The following ZNF599 variants were observed in gnomAD, a reference collection of about 807,000 sequenced individuals.
ZNF599 encodes the protein zinc finger protein 599.
Under a neutral mutation model 11.7 loss-of-function variants are expected in ZNF599, and 10 were observed. The ratio of observed to expected loss-of-function variants is 0.86; its 90% CI spans 0.53 to 1.45. The LOEUF (loss-of-function observed/expected upper bound fraction) is 1.45. Among genes scored for constraint, ZNF599 ranks in the 40% most tolerant of loss-of-function variants. The probability of loss-of-function intolerance (pLI) is 0.00; values close to 1 mark genes in which losing one functional copy is unlikely to be tolerated. For synonymous variants in ZNF599, 232 were observed against 253.2 expected, an observed-to-expected ratio of 0.92 and a Z score of 0.79; for missense variants, 688 against 713.6, an observed-to-expected ratio of 0.96 and a Z score of 0.41.
Position 34,773,034 on chromosome 19 carries a change from G to T in ZNF599, c.-193C>A, listed in dbSNP as rs561827419. On this transcript the variant is annotated 5_prime_UTR_variant, in exon 1 of 4. Coordinates refer to ENST00000329285, the MANE Select transcript of ZNF599 (RefSeq NM_001007248.3). ...GGCTGTCGCCAAGGCCCCAGGAAGG[G>T]TTTTGCAGACGCTTGTGGGGGTGGG... 958 of 622,140 alleles carry T rather than the reference G, an allele frequency of 1.5e-3. 3 individuals carry two copies. Among genetic ancestry groups the T allele is most frequent in the Middle Eastern group, 0.011 (25 of 2,232 alleles). 38.5% of individuals were successfully genotyped at this position (622,140 alleles called of 1,614,324 possible).
the ZNF599 span, among the ~76,000 whole-genome samples, chr19:34,778,820 G>A: frequency 6.6e-6 from 1 of 152,064 alleles, no homozygotes; most frequent in South Asian, 2.1e-4. Flanking sequence ...TTGTACTCTT[G>A]TTAGTGAAAA....
At chr19:34,774,932 C>T (rs1454439919), upstream of ZNF599, among the ~76,000 whole-genome samples, 2 of 152,044 alleles carry the variant, frequency 1.3e-5, no homozygotes, top group African/African-American at 4.8e-5. Context: ...TGATGCCATC[C>T]CCTTGGTGCT....
the ZNF599 span, among the ~76,000 whole-genome samples, chr19:34,783,770 GTCT>G: frequency 6.6e-6 from 1 of 152,162 alleles, no homozygotes; most frequent in African/African-American, 2.4e-5. Context: ...AAAGGGCTCA[GTCT>G]TCTTCCTTAA....
chr19:34,777,988 G>C (rs10416543), upstream of ZNF599, among the ~76,000 whole-genome samples: 43,094 of 151,950 alleles, frequency 0.28, 6,649 homozygotes, highest in Middle Eastern at 0.36. Context: ...CAGTAAAAGG[G>C]GGGGAGGGGA....
chr19:34,760,707 T>C, intron 3 of ZNF599, 148 bp from the exon 4 acceptor site: 3 of 772,116 alleles, frequency 3.9e-6, no homozygotes, highest in Non-Finnish European at 4.0e-6. Context: ...GCTTGCAATT[T>C]CTTTCCTAAT....
At chr19:34,786,411 A>G in the ZNF599 span, among the ~76,000 whole-genome samples, 1 of 152,130 alleles carries the variant, frequency 6.6e-6, no homozygotes, top group African/African-American at 2.4e-5. Context: ...CTCTCGCAAG[A>G]GTCCCGCTGA....
chr19:34,798,057 C>T, the ZNF599 span, among the ~76,000 whole-genome samples: 218 of 152,282 alleles, frequency 1.4e-3, no homozygotes, highest in Middle Eastern at 0.01. Flanking sequence ...CCTGACTCCA[C>T]GTCGGTTTAT....
the ZNF599 span, chr19:34,788,448 T>G: frequency 6.6e-6 from 1 of 152,198 alleles, no homozygotes; most frequent in African/African-American, 2.4e-5. Flanking sequence ...CAATTCAAAC[T>G]GCTGAAGAAG....
the ZNF599 span, among the ~76,000 whole-genome samples, chr19:34,797,886 A>G: frequency 6.6e-6 from 1 of 152,170 alleles, no homozygotes. Flanking sequence ...AGAGACCTAG[A>G]AGAGTCGTGG....
At chr19:34,772,780 G>GGCGGTGACCCGAGCTCGCGC (rs1361044407) in intron 1 of ZNF599, 44 bp downstream of exon 1, 1 of 1,535,254 alleles carries the variant, frequency 6.5e-7, no homozygotes, top group Admixed American at 2.0e-5. Context: ...GGTGCATGCG[G>GGCGGTGACCCGAGCTCGCGC]GCGGTGACCC....
At chr19:34,789,446 G>A in the ZNF599 span, among the ~76,000 whole-genome samples, 1 of 152,080 alleles carries the variant, frequency 6.6e-6, no homozygotes, top group African/African-American at 2.4e-5. Flanking sequence ...TTCCATAACC[G>A]CTTTACTAAT....
chr19:34,806,353 G>C, the ZNF599 span, among the ~76,000 whole-genome samples: 2 of 151,876 alleles, frequency 1.3e-5, no homozygotes, highest in Non-Finnish European at 2.9e-5. Flanking sequence ...TGTCCAACTT[G>C]CACCTCATCC....
chr19:34,793,369 G>A, the ZNF599 span, among the ~76,000 whole-genome samples: 7 of 152,190 alleles, frequency 4.6e-5, no homozygotes, highest in Admixed American at 2.6e-4. Context: ...AGAGTGCCTG[G>A]AACAGGGCCT....
chr19:34,780,668 G>A, the ZNF599 span, among the ~76,000 whole-genome samples: 3 of 134,482 alleles, frequency 2.2e-5, no homozygotes, highest in Non-Finnish European at 4.7e-5. Flanking sequence ...AGGGAGGGAA[G>A]GAAGGAAGGG....
chr19:34,799,254 C>T, the ZNF599 span, among the ~76,000 whole-genome samples: 1 of 152,180 alleles, frequency 6.6e-6, no homozygotes, highest in Admixed American at 6.5e-5. Context: ...CCTCTTGCTT[C>T]AGCCTCCCAA....
At chr19:34,765,450 C>T (rs972192007) in intron 3 of ZNF599, 4 of 652,398 alleles carry the variant, frequency 6.1e-6, no homozygotes, top group Non-Finnish European at 1.1e-5. Flanking sequence ...CTAAGCTGTG[C>T]CTGGACTCCC....
upstream of ZNF599, among the ~76,000 whole-genome samples, chr19:34,777,403 T>A (rs1188201671): frequency 2.6e-3 from 227 of 88,458 alleles, 3 homozygotes; most frequent in African/African-American, 0.011. Flanking sequence ...TAATATATAT[T>A]ATATATAATA....
At chr19:34,780,977 A>G in the ZNF599 span, among the ~76,000 whole-genome samples, 2 of 151,988 alleles carry the variant, frequency 1.3e-5, no homozygotes, top group South Asian at 4.1e-4. Context: ...TAACACGATG[A>G]AACCCCATCT....
the ZNF599 span, among the ~76,000 whole-genome samples, chr19:34,792,101 G>C: frequency 1.3e-5 from 2 of 152,182 alleles, no homozygotes; most frequent in Admixed American, 6.5e-5. Flanking sequence ...AGAGTCTATA[G>C]AGGGTTGTGA....
Sources: gnomAD v4.1 joint callset for allele counts (sites outside exome capture counted in the v4.1 genomes callset) on GRCh38, gnomAD v4.1.1 for gene constraint, MANE v1.5 for transcripts, NCBI Gene and HGNC (gene_info 2026-07-23, HGNC 2026-07-21) for gene names.